Variants in TMEM237 observed in about 807,000 individuals in gnomAD.
TMEM237 encodes the protein amyotrophic lateral sclerosis 2 (juvenile) chromosome region, candidate 4.
TMEM237 carries 51 observed loss-of-function variants against 59.1 expected under a neutral mutation model. The ratio of observed to expected loss-of-function variants is 0.86; its 90% CI spans 0.69 to 1.09. TMEM237 has a LOEUF of 1.09. TMEM237 is among the 50% of genes least tolerant of loss of function. The probability of loss-of-function intolerance (pLI) is 0.00; values close to 1 mark genes in which losing one functional copy is unlikely to be tolerated. For synonymous variants in TMEM237, 140 were observed against 166.1 expected, an observed-to-expected ratio of 0.84 and a Z score of 1.21; for missense variants, 475 against 478.3, an observed-to-expected ratio of 0.99 and a Z score of 0.06.
chr2:201,624,409 TA>T (rs1448656990), intron 12 of TMEM237, 87 bp from the exon 13 acceptor site: 3 of 939,716 alleles, frequency 3.2e-6, no homozygotes, highest in Non-Finnish European at 4.7e-6. Flanking sequence ...AATAGTCCTT[TA>T]AAAAATTGAC....
rs1211251324 is a variant in TMEM237 at position 201,621,534 on chromosome 2, C to T, written c.*2721G>A. The T allele has an allele frequency of 2.0e-5, 3 of 152,302 alleles. No homozygotes were observed. The highest frequency in any genetic ancestry group is 4.8e-5 in the African/African-American group (2 of 41,404). 9.4% of individuals were successfully genotyped at this position (152,302 alleles called of 1,614,324 possible). ...AGTAAAAGGAAATGAACTATTGATA[C>T]ACACAACAGCTGAGATGACTCAGAA... On this transcript the variant is annotated 3_prime_UTR_variant, in exon 13 of 13. Coordinates refer to ENST00000409883, the MANE Select transcript of TMEM237 (RefSeq NM_001044385.3).
At chr2:201,640,968 G>A in intron 1 of TMEM237, 44 bp from the exon 2 acceptor site, 4 of 1,560,144 alleles carry the variant, frequency 2.6e-6, no homozygotes, top group Non-Finnish European at 3.5e-6. Context: ...AAAGCCTAGA[G>A]CATCTTTACT....
chr2:201,631,967 C>T, intron 7 of TMEM237, 84 bp downstream of exon 7: 8 of 1,455,214 alleles, frequency 5.5e-6, no homozygotes, highest in Admixed American at 3.9e-5. Context: ...TGCTTAATTC[C>T]TTAATTCAGA....
intron 1 of TMEM237, chr2:201,642,524 A>G (rs1195537236): frequency 1.1e-5 from 17 of 1,494,792 alleles, no homozygotes; most frequent in Non-Finnish European, 1.8e-6. Context: ...ACCCACCCAG[A>G]GACCCAACCT....
chr2:201,636,692 T>C (rs1687301641), intron 5 of TMEM237, 56 bp downstream of exon 5: 3 of 1,533,310 alleles, frequency 2.0e-6, no homozygotes, highest in South Asian at 2.4e-5. Context: ...GAGGTTTTTA[T>C]CATGTCATCA....
rs1319143945 is a variant in TMEM237 at position 201,620,494 on chromosome 2, T to C, written c.*3761A>G. On this transcript the variant is annotated 3_prime_UTR_variant, in exon 13 of 13. Coordinates refer to ENST00000409883, the MANE Select transcript of TMEM237 (RefSeq NM_001044385.3). Reference sequence around the variant, plus strand: ...AATGATGTTTATTCAGGAGTAGGCATTGCAATAAGAATACAAGTGCCACAG... The same window carrying C: ...AATGATGTTTATTCAGGAGTAGGCACTGCAATAAGAATACAAGTGCCACAG... The C allele has an allele frequency of 6.6e-6, 1 of 152,180 alleles. No homozygotes were observed. The highest frequency in any genetic ancestry group is 1.9e-4 in the East Asian group (1 of 5,198). 9.4% of individuals were successfully genotyped at this position (152,180 alleles called of 1,614,324 possible).
chr2:201,627,516 G>T (rs1205865905), intron 10 of TMEM237, 102 bp from the exon 11 acceptor site: 2 of 707,810 alleles, frequency 2.8e-6, no homozygotes, highest in Non-Finnish European at 4.5e-6. Flanking sequence ...CATGACTGAT[G>T]ATATAAAAGA....
intron 1 of TMEM237, among the ~76,000 whole-genome samples, chr2:201,641,560 T>C (rs956726389): frequency 1.3e-5 from 2 of 151,982 alleles, no homozygotes; most frequent in African/African-American, 4.8e-5. Context: ...TCTGCTCTTA[T>C]GAAACTTACA....
Position 201,643,107 on chromosome 2 carries a change from A to T in TMEM237, c.42+252T>A, listed in dbSNP as rs1574589662. 6.6e-6 allele frequency among the ~76,000 whole-genome samples: 1 copy of T among 152,022 alleles called. No individual in the cohort carries two copies. Among genetic ancestry groups the T allele is most frequent in the African/African-American group, 2.4e-5 (1 of 41,406 alleles). Reference sequence around the variant, plus strand: ...AGATGAGTGAGGCGTCGTCGTGGCAACGCGGGCTCAGGTCCCCGCAAACTT... The same window carrying T: ...AGATGAGTGAGGCGTCGTCGTGGCATCGCGGGCTCAGGTCCCCGCAAACTT... On this transcript the variant is annotated intron_variant, in intron 1 of 12. Coordinates refer to ENST00000409883, the MANE Select transcript of TMEM237 (RefSeq NM_001044385.3). This position sits in a 1 kb window ranked among gnomAD's most constrained non-coding sequence, Gnocchi z 4.3.
Position 201,629,305 on chromosome 2 carries a change from T to C in TMEM237, c.794A>G (p.Tyr265Cys), listed in dbSNP as rs1430279610. ...LSNLSNLLQQ[Y>C]KTLAYPFQSL... is the part of the protein sequence containing the mutation. ...CTGGAATGGATACGCTAGGGTCTTGTATTGTTGCAGAAGGTTTGAGAGGTT... is the reference window on the plus strand; with the variant it reads ...CTGGAATGGATACGCTAGGGTCTTGCATTGTTGCAGAAGGTTTGAGAGGTT... Residue 265 changes from tyrosine to cysteine, a missense_variant, in exon 9 of 13, where the codon TAC (tyrosine) becomes TGC (cysteine). Physicochemically the swap from Tyr to Cys is radical, Grantham distance 194 (BLOSUM62 -2). Transcript: ENST00000409883. The C allele has an allele frequency of 6.2e-7, 1 of 1,611,278 alleles. No individual in the cohort carries two copies. The highest frequency in any genetic ancestry group is 2.2e-5 in the East Asian group (1 of 44,856).
Position 201,643,498 on chromosome 2 carries a change from C to T in TMEM237, c.-98G>A, listed in dbSNP as rs888448875. On this transcript the variant is annotated 5_prime_UTR_variant, in exon 1 of 13. Transcript: ENST00000409883. The surrounding 1 kb of genome is among the most constrained non-coding windows in gnomAD (Gnocchi z 4.3). ...CTCCGGGACCTGTGGGACGCCGGGG[C>T]TTCGTGGCGCCTGGCGAGGCAGCCG... The T allele has an allele frequency of 1.3e-5, 14 of 1,093,778 alleles. 1 individual carries two copies. In the Middle Eastern group the frequency reaches 1.3e-3, roughly 99 times the overall value. The allele number at this position is 1,093,778 out of a possible 1,614,324, so 67.8% of individuals were successfully genotyped here. A position where few individuals can be genotyped will look rare whatever the true frequency, so the allele number is the denominator to read the frequency against.
At position 201,633,417 on chromosome 2, in the gene TMEM237, AG is replaced by A; in HGVS notation, c.288del (p.Ser97ProfsTer49). ...GAACTAGATGACTTCTTTTGGGTGG[AG>A]GAAGTCTCCAATTCTGAAAACAAAA... ...KTRLPLELET[S>X]STQKKSSSSS... is the part of the protein sequence containing the mutation. On this transcript the variant is annotated frameshift_variant, in exon 6 of 13. Coordinates refer to ENST00000409883, the MANE Select transcript of TMEM237 (RefSeq NM_001044385.3). LOFTEE classifies it high-confidence loss of function. 1.3e-6 allele frequency: 2 copies of A among 1,555,676 alleles called. No individual in the cohort carries two copies.
At position 201,622,680 on chromosome 2, in the gene TMEM237, C is replaced by T. The variant is rs1266512415; in HGVS notation, c.*1575G>A. On this transcript the variant is annotated 3_prime_UTR_variant, in exon 13 of 13. Transcript: ENST00000409883. ...TTACACTGGACCCTTCTGGATAATA[C>T]AGGATAATGTCCCCGTTTTAAGGTT... 6.6e-6 allele frequency: 1 copy of T among 152,278 alleles called. No individual in the cohort carries two copies. The highest frequency in any genetic ancestry group is 1.5e-5 in the Non-Finnish European group (1 of 68,096). The allele number at this position is 152,278 out of a possible 1,614,324, so 9.4% of individuals were successfully genotyped here.
chr2:201,622,012 C>T lies in TMEM237; in HGVS notation c.*2243G>A, dbSNP rs1047588187. The T allele has an allele frequency of 1.3e-5, 2 of 152,158 alleles. No homozygotes were observed. The highest frequency in any genetic ancestry group is 1.5e-5 in the Non-Finnish European group (1 of 68,028). 9.4% of individuals were successfully genotyped at this position (152,158 alleles called of 1,614,324 possible). Reference sequence around the variant, plus strand: ...GAAACACCAGGGAAAACAGAGTCCTCTGTACAAGTCCTTAATCAGGGAATA... The same window carrying T: ...GAAACACCAGGGAAAACAGAGTCCTTTGTACAAGTCCTTAATCAGGGAATA... On this transcript the variant is annotated 3_prime_UTR_variant, in exon 13 of 13. Coordinates refer to ENST00000409883, the MANE Select transcript of TMEM237 (RefSeq NM_001044385.3).
intron 12 of TMEM237, 107 bp downstream of exon 12, chr2:201,625,917 ATG>A (rs1249881944): frequency 1.8e-6 from 2 of 1,107,724 alleles, no homozygotes; most frequent in East Asian, 2.7e-5. Context: ...TTTAATTTAA[ATG>A]TGTCTTTGTT....
rs190213514 is a variant in TMEM237 at position 201,625,534 on chromosome 2, T to C, written c.1159+492A>G. On this transcript the variant is annotated intron_variant, in intron 12 of 12. Coordinates refer to ENST00000409883, the MANE Select transcript of TMEM237 (RefSeq NM_001044385.3). Reference sequence around the variant, plus strand: ...GGTGTTCCAAAAGGGGTCTGGGGACTAGAGATGAGTGAATCACTGCACACT... The same window carrying C: ...GGTGTTCCAAAAGGGGTCTGGGGACCAGAGATGAGTGAATCACTGCACACT... Among the ~76,000 whole-genome samples the C allele has an allele frequency of 3.3e-3, 497 of 152,314 alleles. 4 individuals carry two copies. The highest frequency in any genetic ancestry group is 5.9e-3 in the Admixed American group (90 of 15,294).
chr2:201,638,140 A>T (rs555774553), intron 4 of TMEM237, among the ~76,000 whole-genome samples: 1 of 152,364 alleles, frequency 6.6e-6, no homozygotes, highest in Non-Finnish European at 1.5e-5. Flanking sequence ...CAGAGCAGTG[A>T]TTATGGTACA....
At chr2:201,642,448 C>A (rs931608385) in intron 1 of TMEM237, among the ~76,000 whole-genome samples, 3 of 152,170 alleles carry the variant, frequency 2.0e-5, no homozygotes, top group African/African-American at 7.2e-5. Context: ...CTACGAAGCG[C>A]GCGCGATCGA....
chr2:201,630,448 G>A (rs1454065830), intron 7 of TMEM237, among the ~76,000 whole-genome samples: 1 of 152,166 alleles, frequency 6.6e-6, no homozygotes, highest in Non-Finnish European at 1.5e-5. Context: ...TTGATTCAGA[G>A]GCTCCTTCTT....
Sources: gnomAD v4.1 joint callset for allele counts (sites outside exome capture counted in the v4.1 genomes callset) on GRCh38, gnomAD v4.1.1 for gene constraint, Gnocchi (gnomAD v3.1) non-coding constraint, MANE v1.5 for transcripts, NCBI Gene and HGNC (gene_info 2026-07-23, HGNC 2026-07-21) for gene names.